Variants in HVCN1 observed in about 807,000 individuals in gnomAD.
HVCN1 encodes voltage-gated hydrogen channel 1.
Under a neutral mutation model 29.2 loss-of-function variants are expected in HVCN1, and 14 were observed. That is an observed-to-expected ratio of 0.48 (90% confidence interval 0.32 to 0.75). HVCN1 has a LOEUF of 0.75. Among genes scored for constraint, HVCN1 ranks in the 30% least tolerant of loss-of-function variants. The pLI, the probability that HVCN1 is intolerant of heterozygous loss-of-function variation, is 0.04. For synonymous variants in HVCN1, 131 were observed against 133.2 expected (o/e 0.98, Z 0.11); for missense variants, 263 against 341.8 (o/e 0.77, Z 1.82).
chr12:110,673,808 T>C (rs1229464180), intron 3 of HVCN1, among the ~76,000 whole-genome samples: 1 of 152,198 alleles, frequency 6.6e-6, no homozygotes, highest in Admixed American at 6.5e-5. Flanking sequence ...TTTCAGATGT[T>C]TGGAAATGCC....
In HVCN1 at chr12:110,655,326, AGAT is replaced by A. The variant is rs780174865; in HGVS notation, c.316_318del (p.Ile106del). On this transcript the variant is annotated inframe_deletion, in exon 5 of 8. Transcript: ENST00000242607. ...AGGAGGGCATCCAGAACCACCAAGC[AGAT>A]GATGATGACCTGTGGGCCGAGGGAA... 21 of 1,613,668 alleles carry A rather than the reference AGAT, an allele frequency of 1.3e-5. No homozygotes were observed. The highest frequency in any genetic ancestry group is 1.7e-5 in the Non-Finnish European group (20 of 1,179,650).
intron 2 of HVCN1, among the ~76,000 whole-genome samples, chr12:110,700,230 G>A (rs1264120672): frequency 6.6e-6 from 1 of 152,200 alleles, no homozygotes; most frequent in Non-Finnish European, 1.5e-5. Flanking sequence ...TTGGGAACCT[G>A]CCAGTTATGG....
upstream of HVCN1, among the ~76,000 whole-genome samples, chr12:110,693,065 G>A (rs975059906): frequency 6.6e-6 from 1 of 151,878 alleles, no homozygotes; most frequent in Non-Finnish European, 1.5e-5. Flanking sequence ...TTTTTGTAGA[G>A]ATGGGGTCTT....
intron 4 of HVCN1, among the ~76,000 whole-genome samples, chr12:110,659,667 A>G (rs1378169280): frequency 6.6e-6 from 1 of 152,062 alleles, no homozygotes; most frequent in Non-Finnish European, 1.5e-5. Flanking sequence ...GCCTGTAATC[A>G]CAGCACTTTG....
chr12:110,649,077 T>C lies in HVCN1; in HGVS notation c.*333A>G. 1.7e-6 allele frequency: 1 copy of C among 582,012 alleles called. No homozygotes were observed. Among genetic ancestry groups the C allele is most frequent in the Non-Finnish European group, 3.2e-6 (1 of 309,564 alleles). 36.1% of individuals were successfully genotyped at this position (582,012 alleles called of 1,614,324 possible). A position where few individuals can be genotyped will look rare whatever the true frequency, so the allele number is the denominator to read the frequency against. ...ATGCATCAGTTCCTTAATATACACG[T>C]GAAATTTGAAAACTGTACATTCGGT... On this transcript the variant is annotated 3_prime_UTR_variant, in exon 8 of 8. Coordinates refer to ENST00000242607, the MANE Select transcript of HVCN1 (RefSeq NM_032369.4).
At chr12:110,689,827 C>G (rs575941763), upstream of HVCN1, 1 of 152,472 alleles carries the variant, frequency 6.6e-6, no homozygotes, top group African/African-American at 2.4e-5. This position sits in a 1 kb window ranked among gnomAD's most constrained non-coding sequence, Gnocchi z 5.7. Context: ...TGTGGGCCCT[C>G]CCAGCACCCT....
intron 4 of HVCN1, among the ~76,000 whole-genome samples, chr12:110,660,664 A>G (rs1057194750): frequency 6.6e-6 from 1 of 152,250 alleles, no homozygotes; most frequent in Non-Finnish European, 1.5e-5. Flanking sequence ...CATCACCACT[A>G]TAATTCCAGA....
rs2069043613 is a variant in HVCN1 at position 110,683,094 on chromosome 12, A to C, written c.21+131T>G. The C allele has an allele frequency of 2.4e-6, 3 of 1,231,706 alleles. 1 individual carries two copies. The East Asian group carries it at 7.0e-5, about 29-fold the overall frequency. 76.3% of individuals were successfully genotyped at this position (1,231,706 alleles called of 1,614,324 possible). A position where few individuals can be genotyped will look rare whatever the true frequency, so the allele number is the denominator to read the frequency against. Reference sequence around the variant, plus strand: ...CCTTTTACAGCTTTTCATCATTTTGATTTTAAATATTTCAGTATAGTGGAA... The same window carrying C: ...CCTTTTACAGCTTTTCATCATTTTGCTTTTAAATATTTCAGTATAGTGGAA... On this transcript the variant is annotated intron_variant, in intron 3 of 7. Coordinates refer to ENST00000242607, the MANE Select transcript of HVCN1 (RefSeq NM_032369.4).
intron 3 of HVCN1, among the ~76,000 whole-genome samples, chr12:110,668,947 T>C (rs1210395370): frequency 6.6e-6 from 1 of 151,946 alleles, no homozygotes; most frequent in African/African-American, 2.4e-5. Flanking sequence ...CCCTGCCCCA[T>C]ACCAGGAGTC....
chr12:110,650,064 C>T (rs1032124273), intron 7 of HVCN1, 104 bp downstream of exon 7: 12 of 714,616 alleles, frequency 1.7e-5, no homozygotes, highest in Admixed American at 4.1e-5. Flanking sequence ...AGGCTGGTCT[C>T]GAACTCCGGA....
intron 3 of HVCN1, among the ~76,000 whole-genome samples, chr12:110,675,989 G>A (rs1280817487): frequency 1.3e-5 from 2 of 152,202 alleles, no homozygotes; most frequent in African/African-American, 4.8e-5. Context: ...TAGCAGAGGA[G>A]CAAACTGAAG....
At chr12:110,688,506 C>A (rs2069285287) in intron 2 of HVCN1, 119 bp downstream of exon 2, 1 of 152,390 alleles carries the variant, frequency 6.6e-6, no homozygotes, top group Non-Finnish European at 1.5e-5. Context: ...GCTGGGCCTG[C>A]TCATTGCAGC....
At position 110,658,664 on chromosome 12, in the gene HVCN1, GC is replaced by G. The variant is rs1171191747; in HGVS notation, c.306+2499del. 6.6e-6 allele frequency among the ~76,000 whole-genome samples: 1 copy of G among 151,790 alleles called. No homozygotes were observed. The highest frequency in any genetic ancestry group is 1.5e-5 in the Non-Finnish European group (1 of 67,946). The stretch of plus-strand genomic sequence containing the variant: ...CCCCCCACCCCCAGGACCTCTCAGA[GC>G]CCCCCTCCTCCCTGCGGAGGGCTTC... On this transcript the variant is annotated intron_variant, in intron 4 of 7. Coordinates refer to ENST00000242607, the MANE Select transcript of HVCN1 (RefSeq NM_032369.4). The surrounding 1 kb of genome is among the most constrained non-coding windows in gnomAD (Gnocchi z 5.0).
At chr12:110,698,756 G>A (rs745896738) in intron 2 of HVCN1, among the ~76,000 whole-genome samples, 6 of 152,158 alleles carry the variant, frequency 3.9e-5, no homozygotes, top group African/African-American at 7.2e-5. Flanking sequence ...GGCAGCCCCC[G>A]CTTCCCTCCT....
intron 3 of HVCN1, among the ~76,000 whole-genome samples, chr12:110,669,781 C>T (rs1013765635): frequency 2.0e-5 from 3 of 152,122 alleles, no homozygotes; most frequent in Admixed American, 2.0e-4. Context: ...AGAGGCCGGG[C>T]GCGGTGGCTC....
chr12:110,679,626 G>A (rs1424452279), intron 3 of HVCN1, among the ~76,000 whole-genome samples: 1 of 152,152 alleles, frequency 6.6e-6, no homozygotes, highest in African/African-American at 2.4e-5. Flanking sequence ...GGCCGAGGCG[G>A]GTGGATCATG....
intron 3 of HVCN1, among the ~76,000 whole-genome samples, chr12:110,678,485 C>A: frequency 8.9e-6 from 1 of 112,522 alleles, no homozygotes; most frequent in Non-Finnish European, 1.7e-5. Flanking sequence ...GGGTCTCACT[C>A]TGCCACCTAG....
intron 2 of HVCN1, among the ~76,000 whole-genome samples, chr12:110,686,450 T>C (rs1419561882): frequency 6.6e-6 from 1 of 152,040 alleles, no homozygotes; most frequent in African/African-American, 2.4e-5. Flanking sequence ...CCCAGCAGAG[T>C]TCAGCTTTGC....
chr12:110,693,140 A>C (rs1276427820), upstream of HVCN1, among the ~76,000 whole-genome samples: 5 of 151,726 alleles, frequency 3.3e-5, no homozygotes, highest in African/African-American at 7.3e-5. Context: ...CAGCCTCCCC[A>C]AATTTTTTTT....
Sources: gnomAD v4.1 joint callset for allele counts (sites outside exome capture counted in the v4.1 genomes callset) on GRCh38, gnomAD v4.1.1 for gene constraint, Gnocchi (gnomAD v3.1) non-coding constraint, MANE v1.5 for transcripts, NCBI Gene and HGNC (gene_info 2026-07-23, HGNC 2026-07-21) for gene names.